Variants in ZFHX3 observed in about 807,000 individuals in gnomAD.
ZFHX3 encodes zinc finger homeobox 3, also known as zinc finger homeobox protein 3.
Under a neutral mutation model 279.1 loss-of-function variants are expected in ZFHX3, and 42 were observed. That is an observed-to-expected ratio of 0.15 (90% confidence interval 0.12 to 0.19). The LOEUF (loss-of-function observed/expected upper bound fraction) is 0.19, where lower values mean the gene tolerates loss of function less well. ZFHX3 is among the 10% of genes least tolerant of loss of function. The pLI is 1.00. For missense variants in ZFHX3, 4,981 were observed against 4,754.0 expected (o/e 1.05, Z -1.40); for synonymous variants, 2,293 against 1,957.8 (o/e 1.17, Z -4.52).
At chr16:72,799,796 G>C (rs894971938) in intron 8 of ZFHX3, among the ~76,000 whole-genome samples, 1 of 152,204 alleles carries the variant, frequency 6.6e-6, no homozygotes, top group Non-Finnish European at 1.5e-5. Flanking sequence ...GTCTGTGCCA[G>C]AATTCCACTG....
At chr16:73,387,605 C>G (rs1434375205) in intron 3 of ZFHX3, among the ~76,000 whole-genome samples, 1 of 152,012 alleles carries the variant, frequency 6.6e-6, no homozygotes, top group Non-Finnish European at 1.5e-5. Flanking sequence ...TTTCAATAAT[C>G]TTCCCCCCAT....
intron 2 of ZFHX3, among the ~76,000 whole-genome samples, chr16:73,541,112 G>C (rs1238824171): frequency 6.6e-6 from 1 of 152,064 alleles, no homozygotes; most frequent in Admixed American, 6.5e-5. Flanking sequence ...CTGCAGCCTG[G>C]AGCATGTCTC....
At chr16:73,285,890 A>T (rs1309116185) in intron 4 of ZFHX3, among the ~76,000 whole-genome samples, 1 of 152,252 alleles carries the variant, frequency 6.6e-6, no homozygotes, top group Admixed American at 6.5e-5. Context: ...TTTCCCCAGA[A>T]GCCTCTCTGG....
intron 2 of ZFHX3, chr16:73,483,442 G>T: frequency 2.2e-6 from 1 of 453,470 alleles, no homozygotes; most frequent in South Asian, 1.6e-5. Flanking sequence ...AGGTAATCAA[G>T]AAATAAAAGC....
chr16:73,679,599 T>C (rs1015455432), intron 2 of ZFHX3: 1 of 152,202 alleles, frequency 6.6e-6, no homozygotes, highest in Non-Finnish European at 1.5e-5. Flanking sequence ...TGCCATATCG[T>C]CTTCTACCTA....
At chr16:72,890,451 C>G (rs537609104) in intron 3 of ZFHX3, among the ~76,000 whole-genome samples, 4 of 151,660 alleles carry the variant, frequency 2.6e-5, no homozygotes, top group Admixed American at 2.0e-4. Context: ...AGTAGCAGCA[C>G]GGTAATGGAC....
upstream of ZFHX3, among the ~76,000 whole-genome samples, chr16:73,062,998 T>A (rs535106091): frequency 2.0e-5 from 3 of 152,262 alleles, no homozygotes; most frequent in Admixed American, 1.3e-4. Flanking sequence ...TTCGTTCCGC[T>A]AACTCCGGCT....
intron 5 of ZFHX3, among the ~76,000 whole-genome samples, chr16:73,251,391 G>A (rs2013482881): frequency 6.6e-6 from 1 of 152,108 alleles, no homozygotes; most frequent in Non-Finnish European, 1.5e-5. Flanking sequence ...CACTGTTAGG[G>A]GCCAAGCGTG....
chr16:73,235,116 C>A (rs2012901123), intron 5 of ZFHX3, among the ~76,000 whole-genome samples: 1 of 152,226 alleles, frequency 6.6e-6, no homozygotes, highest in Admixed American at 6.5e-5. Context: ...ATCAACCAGG[C>A]TGGAGTGCAG....
intron 1 of ZFHX3, among the ~76,000 whole-genome samples, chr16:72,967,040 G>C (rs1444155526): frequency 6.6e-6 from 1 of 152,212 alleles, no homozygotes; most frequent in Admixed American, 6.5e-5. Context: ...ACAAGGCTAT[G>C]AGTGGCATGA....
Position 72,797,237 on chromosome 16 carries a change from C to T in ZFHX3, c.5445G>A (p.Leu1815=). The change falls in exon 9 of 10, where the codon TTG becomes TTA. Residue 1815 remains leucine, a synonymous_variant. Transcript: ENST00000268489. ...GTGTCAGTGCCCCACTGGTCACTGG[C>T]AAGCTCACCTCGGGGTTAAGCTGGA... The part of the protein sequence containing the change: ...AEFQLNPEVS[L]PVTSGALTLT... 2 of 1,613,790 alleles carry T rather than the reference C, an allele frequency of 1.2e-6. No homozygotes were observed. The highest frequency in any genetic ancestry group is 8.5e-7 in the Non-Finnish European group (1 of 1,179,898).
chr16:73,135,323 G>A (rs563564814), intron 6 of ZFHX3, among the ~76,000 whole-genome samples: 1 of 152,228 alleles, frequency 6.6e-6, no homozygotes, highest in African/African-American at 2.4e-5. Flanking sequence ...TATGTACAAA[G>A]AGAATCAGAA....
At chr16:73,040,028 T>A (rs1965053931) in intron 1 of ZFHX3, among the ~76,000 whole-genome samples, 1 of 152,238 alleles carries the variant, frequency 6.6e-6, no homozygotes, top group African/African-American at 2.4e-5. Context: ...GTTGATTATG[T>A]CTGGGCAGCT....
intron 3 of ZFHX3, among the ~76,000 whole-genome samples, chr16:73,435,746 A>T (rs7201998): frequency 6.6e-6 from 1 of 152,036 alleles, no homozygotes; most frequent in South Asian, 2.1e-4. Flanking sequence ...GCCTCCACTC[A>T]AGTTCTCCCC....
chr16:73,640,057 A>G (rs2052560609), intron 2 of ZFHX3, among the ~76,000 whole-genome samples: 1 of 152,210 alleles, frequency 6.6e-6, no homozygotes. Flanking sequence ...GCCAGGAGAC[A>G]ACTCCTGTTT....
chr16:73,543,665 G>C (rs1405549014), intron 2 of ZFHX3, among the ~76,000 whole-genome samples: 1 of 152,156 alleles, frequency 6.6e-6, no homozygotes, highest in African/African-American at 2.4e-5. Context: ...TCTCACCTCA[G>C]GGTCCGATAT....
At chr16:73,666,666 G>T (rs956407489) in intron 2 of ZFHX3, among the ~76,000 whole-genome samples, 1 of 151,814 alleles carries the variant, frequency 6.6e-6, no homozygotes, top group South Asian at 2.1e-4. Context: ...TAGTGTACGG[G>T]TGTATGAATT....
intron 1 of ZFHX3, among the ~76,000 whole-genome samples, chr16:73,846,979 C>G (rs1350181585): frequency 6.6e-6 from 1 of 152,034 alleles, no homozygotes; most frequent in Non-Finnish European, 1.5e-5. Flanking sequence ...AGTGATTCCC[C>G]TTAGTGCTCA....
At chr16:73,885,167 A>G (rs2030304662) in intron 1 of ZFHX3, among the ~76,000 whole-genome samples, 1 of 152,106 alleles carries the variant, frequency 6.6e-6, no homozygotes, top group South Asian at 2.1e-4. Context: ...GATGTTTACA[A>G]TCTAGCACCT....
Sources: allele counts gnomAD v4.1 joint callset (sites outside exome capture counted in the v4.1 genomes callset), GRCh38; gene constraint gnomAD v4.1.1; transcripts MANE v1.5; gene names NCBI Gene and HGNC (gene_info 2026-07-23, HGNC 2026-07-21).